Variants in CPNE4 observed in about 807,000 individuals in gnomAD.
CPNE4 encodes the protein copine-4.
Under a neutral mutation model 67.9 loss-of-function variants are expected in CPNE4, and 25 were observed. That is an observed-to-expected ratio of 0.37 (90% CI 0.27 to 0.51). The LOEUF is 0.51. CPNE4 is among the 20% of genes least tolerant of loss of function. The pLI is 0.93. For synonymous variants in CPNE4, 242 were observed against 244.9 expected (o/e 0.99, Z 0.11); for missense variants, 464 against 690.8 (o/e 0.67, Z 3.68).
chr3:131,632,720 C>T (rs897191804), intron 7 of CPNE4, among the ~76,000 whole-genome samples: 4 of 152,154 alleles, frequency 2.6e-5, no homozygotes, highest in African/African-American at 9.7e-5. Context: ...CTAAGCCATG[C>T]CCCAAAGCTG....
At chr3:132,034,080 G>A (rs933251307) in intron 1 of CPNE4, among the ~76,000 whole-genome samples, 53 of 152,162 alleles carry the variant, frequency 3.5e-4, no homozygotes, top group African/African-American at 1.2e-3. Context: ...AGAAGTGTGG[G>A]GGAGGAGGTT....
intron 7 of CPNE4, among the ~76,000 whole-genome samples, chr3:131,652,121 G>T (rs941672253): frequency 6.6e-5 from 10 of 152,210 alleles, no homozygotes; most frequent in Non-Finnish European, 1.5e-4. Context: ...AAGAAATTAG[G>T]TGCGGCTGCT....
chr3:131,894,521 TA>T (rs948231539), intron 2 of CPNE4, among the ~76,000 whole-genome samples: 15 of 151,254 alleles, frequency 9.9e-5, no homozygotes, highest in African/African-American at 1.5e-4. Flanking sequence ...AACTTAACAT[TA>T]AAAAAAATAA....
intron 1 of CPNE4, among the ~76,000 whole-genome samples, chr3:131,993,737 C>T (rs115296866): frequency 0.022 from 3,008 of 135,914 alleles, 294 homozygotes; most frequent in African/African-American, 0.068. Flanking sequence ...ACTAACTTTA[C>T]ATTTCTCTAA....
intron 9 of CPNE4, among the ~76,000 whole-genome samples, chr3:131,577,160 C>A (rs1043170948): frequency 6.6e-6 from 1 of 151,892 alleles, no homozygotes; most frequent in African/African-American, 2.4e-5. Context: ...GGGATATGAC[C>A]CAAAGCAGAC....
chr3:131,754,988 G>A (rs1283701587), intron 2 of CPNE4, among the ~76,000 whole-genome samples: 1 of 152,102 alleles, frequency 6.6e-6, no homozygotes, highest in Non-Finnish European at 1.5e-5. Context: ...CAGGAAATGA[G>A]GGTGGTGGGG....
intron 6 of CPNE4, 76 bp downstream of exon 6, chr3:131,685,799 A>AC (rs2080876601): frequency 6.3e-6 from 6 of 946,870 alleles, no homozygotes; most frequent in African/African-American, 1.7e-5. Context: ...CACACACACA[A>AC]AAAGGAGTTT....
At chr3:131,893,372 T>G (rs1255978474) in intron 2 of CPNE4, among the ~76,000 whole-genome samples, 1 of 151,976 alleles carries the variant, frequency 6.6e-6, no homozygotes, top group Admixed American at 6.6e-5. Flanking sequence ...AATACAGTAA[T>G]CGTAGGAGGC....
chr3:131,787,526 TG>T (rs1385225904), intron 2 of CPNE4, among the ~76,000 whole-genome samples: 1 of 152,162 alleles, frequency 6.6e-6, no homozygotes, highest in African/African-American at 2.4e-5. Context: ...TGAGGTGTTC[TG>T]CAACCAAGGC....
At chr3:131,564,046 C>T (rs1263406964) in intron 11 of CPNE4, among the ~76,000 whole-genome samples, 170 bp downstream of exon 11, 6 of 151,964 alleles carry the variant, frequency 3.9e-5, no homozygotes, top group South Asian at 2.1e-4. Flanking sequence ...TGGTGACCAG[C>T]GTGAGCAAGG....
intron 3 of CPNE4, among the ~76,000 whole-genome samples, chr3:131,701,703 T>G (rs1365624488): frequency 6.6e-6 from 1 of 152,132 alleles, no homozygotes; most frequent in African/African-American, 2.4e-5. Context: ...TAACTGCACC[T>G]TGATTGCAGC....
intron 2 of CPNE4, among the ~76,000 whole-genome samples, chr3:131,847,905 G>A (rs2086065746): frequency 6.6e-6 from 1 of 152,102 alleles, no homozygotes; most frequent in Non-Finnish European, 1.5e-5. Flanking sequence ...GATTTAGGTA[G>A]TAGGTCTCTG....
At chr3:131,822,884 C>A (rs966729665) in intron 2 of CPNE4, among the ~76,000 whole-genome samples, 3 of 152,166 alleles carry the variant, frequency 2.0e-5, no homozygotes, top group Admixed American at 6.5e-5. Context: ...GTCACCCAGG[C>A]TGGAGTGCAG....
intron 2 of CPNE4, among the ~76,000 whole-genome samples, chr3:131,853,878 C>A (rs752704053): frequency 6.6e-6 from 1 of 151,786 alleles, no homozygotes; most frequent in Non-Finnish European, 1.5e-5. Flanking sequence ...ATGAAAAACA[C>A]TGACAATATC....
intron 2 of CPNE4, among the ~76,000 whole-genome samples, chr3:131,820,115 C>T (rs2084909370): frequency 1.3e-5 from 2 of 152,086 alleles, no homozygotes; most frequent in East Asian, 3.8e-4. Context: ...TAAAACAATC[C>T]AATATAAAAT....
At chr3:131,641,620 C>T (rs1339267158) in intron 7 of CPNE4, among the ~76,000 whole-genome samples, 1 of 152,140 alleles carries the variant, frequency 6.6e-6, no homozygotes, top group Admixed American at 6.5e-5. Flanking sequence ...CCTTAAAGAA[C>T]TAAAAGTATC....
At chr3:131,615,832 T>G (rs1196092291) in intron 7 of CPNE4, among the ~76,000 whole-genome samples, 1 of 150,414 alleles carries the variant, frequency 6.6e-6, no homozygotes, top group East Asian at 2.0e-4. Flanking sequence ...TGCGGTGAGC[T>G]GAGATGGCGC....
chr3:131,748,173 T>C (rs917161025), intron 2 of CPNE4, among the ~76,000 whole-genome samples: 1 of 152,082 alleles, frequency 6.6e-6, no homozygotes, highest in Non-Finnish European at 1.5e-5. Flanking sequence ...TGGTACTATA[T>C]GGATTACTAC....
At chr3:131,641,524 T>C (rs11927213) in intron 7 of CPNE4, among the ~76,000 whole-genome samples, 43,074 of 151,936 alleles carry the variant, frequency 0.28, 9,148 homozygotes, top group African/African-American at 0.6. Context: ...TTGATTTTGG[T>C]GTGGATGCAA....
Sources: allele counts gnomAD v4.1 joint callset (sites outside exome capture counted in the v4.1 genomes callset), GRCh38; gene constraint gnomAD v4.1.1; transcripts MANE v1.5; gene names NCBI Gene and HGNC (gene_info 2026-07-23, HGNC 2026-07-21).